The following MARF1 variants were observed in gnomAD, a reference collection of about 807,000 sequenced individuals.
The protein encoded by MARF1 is meiosis regulator and mRNA stability factor 1.
In MARF1, 24 loss-of-function variants were observed where a neutral mutation model predicts 168.2. The observed-to-expected ratio is 0.14, with a 90% confidence interval of 0.10 to 0.20. The LOEUF is 0.20. MARF1 is among the 10% of genes least tolerant of loss of function. The pLI is 1.00. For synonymous variants in MARF1, 868 were observed against 822.4 expected (o/e 1.06, Z -0.95); for missense variants, 1,744 against 2,143.6 (o/e 0.81, Z 3.68).
At position 15,625,715 on chromosome 16, in the gene MARF1, T is replaced by C. The variant is rs757633783; in HGVS notation, c.1610A>G (p.Asp537Gly). 2 of 1,614,224 alleles carry C rather than the reference T, an allele frequency of 1.2e-6. No homozygotes were observed. The highest frequency in any genetic ancestry group is 2.2e-5 in the East Asian group (1 of 44,886). The change falls in exon 8 of 27, where the codon GAT (aspartate) becomes GGT (glycine). Residue 537 changes from aspartate to glycine, a missense_variant. By Grantham distance (94) the Asp-to-Gly change is moderately conservative (BLOSUM62 -1). Transcript: ENST00000396368. ...ACTCAGCACTTTCCCACCACAATTA[T>C]CGGACAGGCGTCTGAGCCTGTTGCT... ...SVSNRLRRLSDNCGGKVLSIT... is the reference protein window; with the variant it reads ...SVSNRLRRLSGNCGGKVLSIT...
At chr16:15,612,975 T>A (rs1365274726) in intron 16 of MARF1, among the ~76,000 whole-genome samples, 198 bp from the exon 17 acceptor site, 1 of 152,304 alleles carries the variant, frequency 6.6e-6, no homozygotes, top group African/African-American at 2.4e-5. Context: ...ATTCACGGGC[T>A]GTCAAATGCT....
chr16:15,614,586 C>T (rs1170683613), intron 16 of MARF1, among the ~76,000 whole-genome samples: 1 of 148,654 alleles, frequency 6.7e-6, no homozygotes, highest in Non-Finnish European at 1.5e-5. Flanking sequence ...GAGATCAAGA[C>T]CATCCTGGCT....
intron 13 of MARF1, among the ~76,000 whole-genome samples, chr16:15,618,864 C>T (rs989477293): frequency 6.6e-6 from 1 of 152,194 alleles, no homozygotes; most frequent in East Asian, 1.9e-4. Flanking sequence ...GCTGTACCTC[C>T]TTGCCATGCT....
intron 20 of MARF1, 198 bp from the exon 21 acceptor site, chr16:15,608,716 G>A (rs2033247787): frequency 1.8e-6 from 1 of 569,016 alleles, no homozygotes; most frequent in East Asian, 2.8e-5. Flanking sequence ...CTACTGGACA[G>A]GAGATATAAA....
rs1174564036 is a variant in MARF1, at chr16:15,626,959, G to A, written c.1525-1159C>T. Among the ~76,000 whole-genome samples the A allele has an allele frequency of 2.2e-4, 14 of 65,094 alleles. No individual in the cohort carries two copies. In the East Asian group the frequency reaches 3.5e-3, roughly 16 times the overall value. 42.7% of individuals were successfully genotyped at this position (65,094 alleles called of 152,430 possible). A position where few individuals can be genotyped will look rare whatever the true frequency, so the allele number is the denominator to read the frequency against. ...AGCCTGGGCGACAGAGCGAGATTCT[G>A]TGAAAAAAAAAAAAAAAAGAAAGAA... On this transcript the variant is annotated intron_variant, in intron 7 of 26. Coordinates refer to ENST00000396368, the MANE Select transcript of MARF1 (RefSeq NM_014647.4).
At chr16:15,640,325 C>T (rs76907993) in intron 1 of MARF1, among the ~76,000 whole-genome samples, 2 of 152,116 alleles carry the variant, frequency 1.3e-5, no homozygotes, top group African/African-American at 4.8e-5. Flanking sequence ...ATCTGATATA[C>T]CACCAAAAAT....
In MARF1 at chr16:15,636,334, G is replaced by A. The variant is rs139254931; in HGVS notation, c.153C>T (p.Tyr51=). ...TLPHSPQTKE[Y]MENKKVAVEL... The stretch of plus-strand genomic sequence containing the variant: ...CCACAGCAACTTTCTTGTTCTCCAT[G>A]TACTCTTTCTGAGAAAAGAAAATCA... The change falls in exon 3 of 27, where the codon TAC becomes TAT. Residue 51 remains tyrosine (Y), a synonymous_variant. Transcript: ENST00000396368. 346 of 1,539,884 alleles carry A rather than the reference G, an allele frequency of 2.2e-4. 1 individual carries two copies. The East Asian group carries it at 7.6e-3, about 34-fold the overall frequency.
chr16:15,625,385 A>G lies in MARF1; in HGVS notation c.1940T>C (p.Val647Ala). 6.2e-7 allele frequency: 1 copy of G among 1,601,986 alleles called. No homozygotes were observed. Among genetic ancestry groups the G allele is most frequent in the Non-Finnish European group, 8.5e-7 (1 of 1,175,054 alleles). ...NSGSATKNTN[V>A]KSLQELCRME... The stretch of plus-strand genomic sequence containing the variant: ...TATCAAAATTACCTGTAAACTTTTA[A>G]CATTTGTATTTTTTGTAGCAGATCC... The change falls in exon 8 of 27, where the codon GTT becomes GCT. Residue 647 changes from valine (V) to alanine (A), a missense_variant. Val to Ala is a moderately conservative substitution (Grantham distance 64). This residue lies in a region of MARF1 where 270 missense variants were observed against 260.6 expected (regional missense o/e 1.04). Transcript: ENST00000396368.
intron 2 of MARF1, among the ~76,000 whole-genome samples, chr16:15,637,186 A>G (rs1019442055): frequency 2.0e-5 from 3 of 152,116 alleles, no homozygotes; most frequent in Non-Finnish European, 4.4e-5. Context: ...TACCTCCTAG[A>G]GTTGCTAGGA....
chr16:15,623,162 T>C, intron 10 of MARF1, 39 bp from the exon 11 acceptor site: 1 of 1,462,302 alleles, frequency 6.8e-7, no homozygotes, highest in Non-Finnish European at 9.3e-7. Context: ...TTTAAAAAAC[T>C]GTTCTGTATA....
chr16:15,596,603 G>T lies in MARF1; in HGVS notation c.*90C>A. The T allele has an allele frequency of 7.3e-7, 1 of 1,360,552 alleles. No individual in the cohort carries two copies. The allele number at this position is 1,360,552 out of a possible 1,614,324, so 84.3% of individuals were successfully genotyped here. On this transcript the variant is annotated 3_prime_UTR_variant, in exon 27 of 27. Transcript: ENST00000396368. ...GTCAATGGCTTCGGGGGGTTTTCATGACACAGAAAAGGATGTATTTTTGAA... is the reference window on the plus strand; with the variant it reads ...GTCAATGGCTTCGGGGGGTTTTCATTACACAGAAAAGGATGTATTTTTGAA...
chr16:15,602,535 A>G, intron 22 of MARF1: 1 of 514,466 alleles, frequency 1.9e-6, no homozygotes, highest in Non-Finnish European at 3.6e-6. Context: ...ACGACGATAA[A>G]GAAGACGAAG....
chr16:15,642,953 C>CGAGGGGAAAGAGG (rs2036141243), intron 1 of MARF1, 65 bp downstream of exon 1: 1 of 210,386 alleles, frequency 4.8e-6, no homozygotes, highest in South Asian at 5.3e-5. Flanking sequence ...TGTCCTCCGT[C>CGAGGGGAAAGAGG]CCGCCCCGCT....
chr16:15,604,435 A>C, intron 21 of MARF1, 37 bp from the exon 22 acceptor site: 2 of 1,463,062 alleles, frequency 1.4e-6, no homozygotes, highest in Non-Finnish European at 1.9e-6. Flanking sequence ...TCAGAGCTCA[A>C]GAGAGACACC....
chr16:15,602,249 C>A, intron 22 of MARF1, 46 bp from the exon 23 acceptor site: 1 of 1,537,164 alleles, frequency 6.5e-7, no homozygotes, highest in Non-Finnish European at 9.0e-7. Context: ...GTGACTGGCC[C>A]TGCCCCGTGG....
At chr16:15,634,642 A>G in intron 4 of MARF1, 115 bp downstream of exon 4, 1 of 1,003,588 alleles carries the variant, frequency 1.0e-6, no homozygotes, top group Non-Finnish European at 1.5e-6. Context: ...GGAGACTCAC[A>G]TACACAGTAG....
rs1404209047 is a variant in MARF1 at position 15,612,848 on chromosome 16, T to C, written c.3254-71A>G. On this transcript the variant is annotated intron_variant, in intron 16 of 26. Transcript: ENST00000396368. ...CAGCTGAAAGAAGGGAAAATGGCCC[T>C]GCAGTCCCTGGCTTGAGTTCGATCA... 3 of 1,301,802 alleles carry C rather than the reference T, an allele frequency of 2.3e-6. No homozygotes were observed. The African/African-American group carries it at 4.4e-5, about 19-fold the overall frequency. The allele number at this position is 1,301,802 out of a possible 1,614,324, so 80.6% of individuals were successfully genotyped here.
At chr16:15,629,084 G>C (rs1487319064) in intron 7 of MARF1, among the ~76,000 whole-genome samples, 1 of 150,940 alleles carries the variant, frequency 6.6e-6, no homozygotes, top group Non-Finnish European at 1.5e-5. Flanking sequence ...GACCAGGCTG[G>C]AGTGCAGTGG....
chr16:15,625,866 G>C (rs1320603248), intron 7 of MARF1, 66 bp from the exon 8 acceptor site: 2 of 1,318,054 alleles, frequency 1.5e-6, no homozygotes, highest in Admixed American at 1.9e-5. Context: ...TTCAAAATAA[G>C]AACAATGGGT....
Sources: gnomAD v4.1 joint callset for allele counts (sites outside exome capture counted in the v4.1 genomes callset) on GRCh38, gnomAD v4.1.1 for gene constraint, gnomAD v4.1.1 regional missense constraint, MANE v1.5 for transcripts, NCBI Gene and HGNC (gene_info 2026-07-23, HGNC 2026-07-21) for gene names.